Variants in BBS2 observed in about 807,000 individuals in gnomAD.
BBS2 encodes the protein BBSome complex member BBS2.
In BBS2, 62 loss-of-function variants were observed where a neutral mutation model predicts 83.0. The observed-to-expected ratio is 0.75, with a 90% CI of 0.61 to 0.92. The LOEUF (loss-of-function observed/expected upper bound fraction) is 0.92. BBS2 is among the 40% of genes least tolerant of loss of function. The pLI, the probability that BBS2 is intolerant of heterozygous loss-of-function variation, is 0.00. For synonymous variants in BBS2, 303 were observed against 326.1 expected, an observed-to-expected ratio of 0.93 and a Z score of 0.76; for missense variants, 784 against 901.0, an observed-to-expected ratio of 0.87 and a Z score of 1.66.
intron 15 of BBS2, among the ~76,000 whole-genome samples, chr16:56,490,128 G>GCACACA (rs149944639): frequency 2.7e-5 from 3 of 113,050 alleles, no homozygotes; most frequent in African/African-American, 8.6e-5. Flanking sequence ...ACACACACAC[G>GCACACA]CACACACACA....
chr16:56,490,034 T>G (rs568818933), intron 15 of BBS2, among the ~76,000 whole-genome samples: 1 of 151,822 alleles, frequency 6.6e-6, no homozygotes, highest in South Asian at 2.1e-4. Context: ...GGAGGATAAC[T>G]TGAGCCCAGG....
rs1355204201 is a variant in BBS2 at position 56,501,364 on chromosome 16, G to A, written c.1214C>T (p.Ser405Phe). ...TQTAHTELRISTSNDTIIRAV... is the reference protein window; with the variant it reads ...TQTAHTELRIFTSNDTIIRAV... ...GAGTACTGTCTTACCATTAGAAGTG[G>A]AAATGCGTAATTCTGTATGAGCAGT... The change falls in exon 10 of 17, where the codon TCC becomes TTC. Residue 405 changes from serine (S) to phenylalanine (F), a missense_variant. Physicochemically the swap from Ser to Phe is radical, Grantham distance 155 (BLOSUM62 -2). Transcript: ENST00000245157. 1 of 1,614,050 alleles carries A rather than the reference G, an allele frequency of 6.2e-7. No homozygotes were observed. Among genetic ancestry groups the A allele is most frequent in the Non-Finnish European group, 8.5e-7 (1 of 1,180,014 alleles).
Position 56,484,770 on chromosome 16 carries a change from A to C in BBS2, c.2157T>G (p.Ala719=), listed in dbSNP as rs1380327569. ...CCTGTATTTTCCTCACCTAGGAAGA[A>C]GCTGTCCCCACTCGCATGATTTTGA... ...TLFKIMRVGT[A]SS The change falls in exon 17 of 17, where the codon GCT becomes GCG. Residue 719 remains alanine (A), a synonymous_variant. Transcript: ENST00000245157. 1.9e-6 allele frequency: 3 copies of C among 1,613,746 alleles called. No individual in the cohort carries two copies. Among genetic ancestry groups the C allele is most frequent in the Non-Finnish European group, 2.5e-6 (3 of 1,179,646 alleles).
chr16:56,475,709 TACTC>T, intron 17 of BBS2: 1 of 698,174 alleles, frequency 1.4e-6, no homozygotes. Flanking sequence ...TAGTAGAAAA[TACTC>T]AGGATGGAAT....
In BBS2 at chr16:56,485,658, T is replaced by C. The variant is rs1963755946; in HGVS notation, c.1991A>G (p.Asn664Ser). The C allele has an allele frequency of 1.9e-6, 3 of 1,614,062 alleles. No individual in the cohort carries two copies. Among genetic ancestry groups the C allele is most frequent in the African/African-American group, 1.3e-5 (1 of 74,948 alleles). Residue 664 changes from asparagine to serine, a missense_variant, in exon 16 of 17, where the codon AAT becomes AGT. By Grantham distance (46) the Asn-to-Ser change is conservative. Transcript: ENST00000245157. ...LLNGYKIRCNNHTELLGNLKA... is the reference protein window; with the variant it reads ...LLNGYKIRCNSHTELLGNLKA... ...GAGGTTTCCCAACAGCTCTGTGTGATTGTTACAGCGAATTTTATATCCATT... is the reference window on the plus strand; with the variant it reads ...GAGGTTTCCCAACAGCTCTGTGTGACTGTTACAGCGAATTTTATATCCATT...
rs72814489 is a variant in BBS2, at chr16:56,470,825, A to G, written c.*1-130T>C. On this transcript the variant is annotated intron_variant, in intron 17 of 17. Coordinates refer to the BBS2 transcript ENST00000682047. Reference sequence around the variant, plus strand: ...TTGTTAGGATTTGTCCTTACTTACCATTAACCATTCACCATTCAAACATGT... The same window carrying G: ...TTGTTAGGATTTGTCCTTACTTACCGTTAACCATTCACCATTCAAACATGT... The G allele has an allele frequency of 3.4e-3, 5,114 of 1,515,136 alleles. 38 individuals are homozygous for G. Among genetic ancestry groups the G allele is most frequent in the South Asian group, 0.017 (1,288 of 75,436 alleles). The allele number at this position is 1,515,136 out of a possible 1,614,324, so 93.9% of individuals were successfully genotyped here. A position where few individuals can be genotyped will look rare whatever the true frequency, so the allele number is the denominator to read the frequency against.
intron 17 of BBS2, among the ~76,000 whole-genome samples, chr16:56,472,659 T>A (rs1393142130): frequency 6.6e-6 from 1 of 152,124 alleles, no homozygotes; most frequent in African/African-American, 2.4e-5. Context: ...AAAATAATAA[T>A]CTACAAGTGG....
chr16:56,500,862 G>A lies in BBS2; in HGVS notation c.1389C>T (p.Tyr463=). The A allele has an allele frequency of 2.5e-6, 4 of 1,614,078 alleles. No individual in the cohort carries two copies. The highest frequency in any genetic ancestry group is 3.4e-6 in the Non-Finnish European group (4 of 1,180,000). The change falls in exon 11 of 17, where the codon TAC becomes TAT. Residue 463 remains tyrosine (Y), a synonymous_variant. Transcript: ENST00000245157. ...GACTTGCAAAGGGTCACCTGCTTCT[G>A]TAACCCACGAATGCCTTCAAGTGCA... ...VDLHLKAFVG[Y]RSSTQFHVFE...
At chr16:56,490,717 T>C (rs1213553378) in intron 15 of BBS2, among the ~76,000 whole-genome samples, 1 of 152,136 alleles carries the variant, frequency 6.6e-6, no homozygotes, top group Admixed American at 6.5e-5. Flanking sequence ...AATTTGACTA[T>C]ATACAAAATT....
chr16:56,512,350 A>G (rs1964602527), intron 2 of BBS2, among the ~76,000 whole-genome samples: 1 of 152,232 alleles, frequency 6.6e-6, no homozygotes, highest in Admixed American at 6.5e-5. Flanking sequence ...TTTACCCAAG[A>G]TAAATTAAAA....
intron 1 of BBS2, among the ~76,000 whole-genome samples, chr16:56,518,952 G>T (rs990245228): frequency 1.3e-5 from 2 of 152,222 alleles, no homozygotes; most frequent in South Asian, 4.1e-4. Context: ...TACGGGGAAA[G>T]AACTGAATGT....
rs186273539 is a variant in BBS2, at chr16:56,492,462, C to T, written c.1910+4505G>A. ...ATGGAGTATCTAAAATAGTCAAATT[C>T]ATAAAATCAAAGAGTAGAATGATAG... On this transcript the variant is annotated intron_variant, in intron 15 of 16. Coordinates refer to ENST00000245157, the MANE Select transcript of BBS2 (RefSeq NM_031885.5). Among the ~76,000 whole-genome samples, 531 of 152,118 alleles carry T rather than the reference C, an allele frequency of 3.5e-3. 5 individuals are homozygous for T. Among genetic ancestry groups the T allele is most frequent in the African/African-American group, 0.012 (500 of 41,478 alleles).
At chr16:56,496,868 G>A in intron 15 of BBS2, 99 bp downstream of exon 15, 1 of 934,010 alleles carries the variant, frequency 1.1e-6, no homozygotes, top group East Asian at 2.4e-5. Context: ...CAAAGTCACT[G>A]TAACAATTTA....
Position 56,484,683 on chromosome 16 carries a change from G to A in BBS2, c.*78C>T, listed in dbSNP as rs1173511329. The A allele has an allele frequency of 8.0e-7, 1 of 1,247,588 alleles. No individual in the cohort carries two copies. The highest frequency in any genetic ancestry group is 1.2e-6 in the Non-Finnish European group (1 of 856,756). 77.3% of individuals were successfully genotyped at this position (1,247,588 alleles called of 1,614,324 possible). On this transcript the variant is annotated 3_prime_UTR_variant, in exon 17 of 17. Transcript: ENST00000245157. ...TTCTTAGCACCCGGGGTTCACCAGG[G>A]TGTGATCCAAAGCAAACCAGCATAG...
In BBS2 at chr16:56,505,973, T is replaced by C. The variant is rs1964411680; in HGVS notation, c.781A>G (p.Ile261Val). 1 of 1,613,850 alleles carries C rather than the reference T, an allele frequency of 6.2e-7. No individual in the cohort carries two copies. Among genetic ancestry groups the C allele is most frequent in the African/African-American group, 1.3e-5 (1 of 74,948 alleles). Residue 261 changes from isoleucine to valine, a missense_variant, in exon 7 of 17, where the codon ATA becomes GTA. Transcript: ENST00000245157. ...DLNSDGVNELITGWSNGKVDA... is the reference protein window; with the variant it reads ...DLNSDGVNELVTGWSNGKVDA... The stretch of plus-strand genomic sequence containing the variant: ...ACCTTCCCATTGGACCAACCAGTTA[T>C]CAGTTCATTCACTCCATCAGAATTA...
chr16:56,477,257 T>C (rs530010352), intron 17 of BBS2: 2 of 152,368 alleles, frequency 1.3e-5, no homozygotes, highest in East Asian at 3.8e-4. Flanking sequence ...ACACAGTGAG[T>C]CATCACATTT....
intron 15 of BBS2, among the ~76,000 whole-genome samples, chr16:56,493,383 CAAAAAA>C (rs1177705335): frequency 0.14 from 3,257 of 23,822 alleles, 112 homozygotes; most frequent in African/African-American, 0.31. Context: ...GACCTTGTCT[CAAAAAA>C]AAAAAAAAAA....
chr16:56,502,925 T>C, intron 7 of BBS2, 117 bp from the exon 8 acceptor site: 2 of 1,277,150 alleles, frequency 1.6e-6, no homozygotes, highest in Non-Finnish European at 2.2e-6. Flanking sequence ...AAGAGTATTC[T>C]ATGAAGCCCT....
At chr16:56,516,691 GC>G (rs1445069848) in intron 1 of BBS2, among the ~76,000 whole-genome samples, 8 of 152,078 alleles carry the variant, frequency 5.3e-5, no homozygotes, top group South Asian at 4.1e-4. Flanking sequence ...ACCATGCCCG[GC>G]CAGAGATTCC....
Sources: allele counts gnomAD v4.1 joint callset (sites outside exome capture counted in the v4.1 genomes callset), GRCh38; gene constraint gnomAD v4.1.1; transcripts MANE v1.5; gene names NCBI Gene and HGNC (gene_info 2026-07-23, HGNC 2026-07-21).